The following TTC28 variants were observed in gnomAD, a reference collection of about 807,000 sequenced individuals.
TTC28 encodes tetratricopeptide repeat domain 28, also known as tetratricopeptide repeat protein 28.
In TTC28, 61 loss-of-function variants were observed where a neutral mutation model predicts 198.0. The ratio of observed to expected loss-of-function variants is 0.31; its 90% CI spans 0.25 to 0.38. The LOEUF is 0.38. Among genes scored for constraint, TTC28 ranks in the 10% least tolerant of loss-of-function variants. The pLI, the probability that TTC28 is intolerant of heterozygous loss-of-function variation, is 1.00. For missense variants in TTC28, 2,678 were observed against 3,164.0 expected (o/e 0.85, Z 3.69); for synonymous variants, 1,171 against 1,297.8 (o/e 0.90, Z 2.10).
At chr22:28,198,183 T>C (rs1173520315) in intron 5 of TTC28, among the ~76,000 whole-genome samples, 2 of 152,136 alleles carry the variant, frequency 1.3e-5, no homozygotes, top group Non-Finnish European at 2.9e-5. Context: ...AATTTGGGGC[T>C]AGATAATTGT....
intron 2 of TTC28, among the ~76,000 whole-genome samples, chr22:28,590,576 G>A (rs906110850): frequency 1.3e-5 from 2 of 151,782 alleles, no homozygotes; most frequent in Non-Finnish European, 2.9e-5. Flanking sequence ...AACATAGCAA[G>A]ACACCCATCT....
chr22:28,590,220 C>T (rs1164600420), intron 2 of TTC28, among the ~76,000 whole-genome samples: 1 of 150,998 alleles, frequency 6.6e-6, no homozygotes, highest in Non-Finnish European at 1.5e-5. Flanking sequence ...CTCCACTTCC[C>T]AGGTTCATGC....
At position 28,453,393 on chromosome 22, in the gene TTC28, T is replaced by C; in HGVS notation, c.382-146750A>G. 1.3e-5 allele frequency among the ~76,000 whole-genome samples: 2 copies of C among 152,212 alleles called. 1 individual carries two copies. The highest frequency in any genetic ancestry group is 6.3e-3 in the Middle Eastern group (2 of 316). ...GTCTCAAACTGCTAACTACCATCTC[T>C]TAATTCATGACTCCCATATTTATGC... On this transcript the variant is annotated intron_variant, in intron 2 of 22. Coordinates refer to ENST00000397906, the MANE Select transcript of TTC28 (RefSeq NM_001145418.2).
rs1333735410 is a variant in TTC28, at chr22:28,306,679, G to C, written c.382-36C>G. 1.9e-6 allele frequency: 3 copies of C among 1,546,926 alleles called. No homozygotes were observed. The Admixed American group carries it at 5.9e-5, about 30-fold the overall frequency. ...AAGATATATAAGATATATAATGCCT[G>C]TGCTCCAACAAGGCTGATGGTGATT... is the stretch of plus-strand genomic sequence containing the variant. On this transcript the variant is annotated intron_variant, in intron 2 of 22. Transcript: ENST00000397906.
chr22:28,121,350 A>G (rs1942782796), intron 6 of TTC28, among the ~76,000 whole-genome samples: 1 of 152,214 alleles, frequency 6.6e-6, no homozygotes. Context: ...TTGCCTAACT[A>G]TTCTGCCAGA....
intron 2 of TTC28, among the ~76,000 whole-genome samples, chr22:28,405,394 G>T (rs1034450250): frequency 1.3e-5 from 2 of 152,134 alleles, no homozygotes; most frequent in African/African-American, 4.8e-5. Flanking sequence ...AGACAAAAGG[G>T]TGGTCACAGA....
Position 28,296,221 on chromosome 22 carries a change from C to T in TTC28, c.910G>A (p.Ala304Thr), listed in dbSNP as rs1302216187. The T allele has an allele frequency of 1.9e-6, 3 of 1,549,000 alleles. No homozygotes were observed. The highest frequency in any genetic ancestry group is 2.4e-5 in the South Asian group (2 of 83,630). ...ACCTCTCGATCTTTGAGTTTCATGG[C>T]GAGTACCAACTGATGCCTGTGGTTA... ...LTNHRHQLVL[A>T]MKLKDREAAS... Residue 304 changes from alanine to threonine, a missense_variant, in exon 5 of 23, where the codon GCC becomes ACC. Around this residue, in one of 8 missense-constraint regions of TTC28, gnomAD observed 775 missense variants for 845.9 expected, o/e 0.92. Transcript: ENST00000397906.
intron 2 of TTC28, among the ~76,000 whole-genome samples, chr22:28,344,608 A>T (rs2045879368): frequency 6.6e-6 from 1 of 152,162 alleles, no homozygotes; most frequent in Admixed American, 6.5e-5. Context: ...TTATGCCCCA[A>T]CCCAAAAATT....
intron 2 of TTC28, among the ~76,000 whole-genome samples, chr22:28,492,854 A>C (rs969655499): frequency 3.3e-5 from 5 of 152,108 alleles, no homozygotes; most frequent in African/African-American, 1.2e-4. Context: ...CCAGGTCTGA[A>C]GCAGAAAATA....
At chr22:28,506,351 C>T (rs1020782367) in intron 2 of TTC28, among the ~76,000 whole-genome samples, 3 of 152,004 alleles carry the variant, frequency 2.0e-5, no homozygotes, top group Non-Finnish European at 4.4e-5. Context: ...CAGGCAGGAC[C>T]TCCCTGCAGG....
At chr22:28,454,224 T>C (rs1305069343) in intron 2 of TTC28, among the ~76,000 whole-genome samples, 2 of 152,230 alleles carry the variant, frequency 1.3e-5, no homozygotes, top group Non-Finnish European at 2.9e-5. Context: ...GAAATTACAT[T>C]ATTTCTCATT....
chr22:28,225,714 G>GCAA (rs1247995624), intron 5 of TTC28, among the ~76,000 whole-genome samples: 2 of 152,154 alleles, frequency 1.3e-5, no homozygotes, highest in Non-Finnish European at 2.9e-5. Flanking sequence ...ACCACGGCAG[G>GCAA]CAACATAGTG....
chr22:28,529,121 C>G (rs1259226577), intron 2 of TTC28, among the ~76,000 whole-genome samples: 1 of 152,174 alleles, frequency 6.6e-6, no homozygotes, highest in Non-Finnish European at 1.5e-5. Context: ...CATCGCCTCA[C>G]CCGGGAAGCG....
At chr22:28,452,793 A>G (rs2047804364) in intron 2 of TTC28, among the ~76,000 whole-genome samples, 1 of 152,170 alleles carries the variant, frequency 6.6e-6, no homozygotes, top group South Asian at 2.1e-4. Context: ...AATATAAAGA[A>G]TATCTCATGA....
intron 5 of TTC28, among the ~76,000 whole-genome samples, chr22:28,232,995 G>A (rs1016993196): frequency 4.6e-5 from 7 of 151,852 alleles, no homozygotes; most frequent in South Asian, 4.2e-4. Flanking sequence ...CCAGCTACTC[G>A]GGAGGCTGAG....
chr22:28,040,394 C>A (rs1379787459), intron 12 of TTC28, among the ~76,000 whole-genome samples: 1 of 152,202 alleles, frequency 6.6e-6, no homozygotes, highest in East Asian at 1.9e-4. Flanking sequence ...CCACCACGAT[C>A]AAGTCGTCTT....
chr22:28,454,446 GC>G (rs1290165270), intron 2 of TTC28, among the ~76,000 whole-genome samples: 3 of 152,158 alleles, frequency 2.0e-5, no homozygotes, highest in Non-Finnish European at 1.5e-5. Flanking sequence ...GTCAAGGGAT[GC>G]CTGTAAATAC....
intron 2 of TTC28, among the ~76,000 whole-genome samples, chr22:28,462,018 G>A (rs991240683): frequency 6.6e-6 from 1 of 152,068 alleles, no homozygotes; most frequent in African/African-American, 2.4e-5. Context: ...TATATAGTCT[G>A]GTACTAGCTA....
intron 2 of TTC28, among the ~76,000 whole-genome samples, chr22:28,447,410 T>A (rs1358275914): frequency 1.3e-5 from 2 of 152,252 alleles, no homozygotes; most frequent in Non-Finnish European, 2.9e-5. Context: ...AACTTTTAAC[T>A]GTTTGCTCAA....
Sources: allele counts gnomAD v4.1 joint callset (sites outside exome capture counted in the v4.1 genomes callset), GRCh38; gene constraint gnomAD v4.1.1; regional missense constraint gnomAD v4.1.1; transcripts MANE v1.5; gene names NCBI Gene and HGNC (gene_info 2026-07-23, HGNC 2026-07-21).